Variants in LY75 observed in about 807,000 individuals in gnomAD.
LY75 encodes the protein C-type lectin domain family 13 member B.
In LY75, 185 loss-of-function variants were observed where a neutral mutation model predicts 231.7. The ratio of observed to expected loss-of-function variants is 0.80; its 90% CI spans 0.71 to 0.90. The LOEUF (loss-of-function observed/expected upper bound fraction) is 0.90, where lower values mean the gene tolerates loss of function less well. LY75 is among the 40% of genes least tolerant of loss of function. LY75 has a pLI of 0.00. For missense variants in LY75, 1,947 were observed against 2,050.2 expected (o/e 0.95, Z 0.97); for synonymous variants, 668 against 689.0 (o/e 0.97, Z 0.48).
chr2:159,864,907 G>A lies in LY75; in HGVS notation c.2131C>T (p.Leu711=), dbSNP rs368732020. 20 of 1,598,462 alleles carry A rather than the reference G, an allele frequency of 1.3e-5. No individual in the cohort carries two copies. The African/African-American group carries it at 2.6e-4, about 20-fold the overall frequency. Residue 711 remains leucine (L), a synonymous_variant, in exon 14 of 35, where the codon CTG becomes TTG. Coordinates refer to ENST00000263636, the MANE Select transcript of LY75 (RefSeq NM_002349.4). Reference sequence around the variant, plus strand: ...CTCCTTTTATTCAAACCAATCCACAGCCAATGCTGGCCACTATGTAAAAAG... The same window carrying A: ...CTCCTTTTATTCAAACCAATCCACAACCAATGCTGGCCACTATGTAAAAAG... ...LTDQFSGQHW[L]WIGLNKRSPD...
At chr2:159,805,551 A>G (rs941162395) in intron 34 of LY75, among the ~76,000 whole-genome samples, 4 of 152,174 alleles carry the variant, frequency 2.6e-5, no homozygotes, top group African/African-American at 4.8e-5. Flanking sequence ...CACTACTTGT[A>G]TATTATCCTA....
Position 159,805,211 on chromosome 2 carries a change from T to G in LY75, c.5002A>C (p.Thr1668Pro). ...GTGGCAACTATGATAGCTATTGCTG[T>G]GTAATCAGGGCCTGGAACAGGAAAA... ...VCKVPLGPDYTAIAIIVATLS... is the reference protein window; with the variant it reads ...VCKVPLGPDYPAIAIIVATLS... The change falls in exon 35 of 35, where the codon ACA (threonine) becomes CCA (proline). Residue 1668 changes from threonine to proline, a missense_variant. Physicochemically the swap from Thr to Pro is conservative, Grantham distance 38. Coordinates refer to ENST00000263636, the MANE Select transcript of LY75 (RefSeq NM_002349.4). The G allele has an allele frequency of 6.2e-7, 1 of 1,613,702 alleles. No individual in the cohort carries two copies. The highest frequency in any genetic ancestry group is 8.5e-7 in the Non-Finnish European group (1 of 1,179,754).
At chr2:159,855,561 G>T (rs1684523815) in intron 16 of LY75, among the ~76,000 whole-genome samples, 1 of 152,204 alleles carries the variant, frequency 6.6e-6, no homozygotes, top group Admixed American at 6.5e-5. Context: ...TTCCGGGTTG[G>T]AAGCTGGGCG....
At chr2:159,886,340 T>G (rs767949979) in intron 5 of LY75, 80 bp downstream of exon 5, 5 of 1,428,554 alleles carry the variant, frequency 3.5e-6, no homozygotes, top group Non-Finnish European at 4.6e-6. Flanking sequence ...GTGAAACTTT[T>G]CTAAGCTATT....
intron 32 of LY75, among the ~76,000 whole-genome samples, chr2:159,809,674 TTTTA>T (rs761050833): frequency 2.6e-5 from 4 of 151,500 alleles, no homozygotes; most frequent in Non-Finnish European, 4.4e-5. Context: ...TTATTATTTA[TTTTA>T]TTTATTTATT....
intron 23 of LY75, among the ~76,000 whole-genome samples, chr2:159,848,068 G>GTGTATA (rs1275319900): frequency 1.6e-5 from 2 of 123,918 alleles, no homozygotes; most frequent in East Asian, 5.6e-4. Flanking sequence ...ATTATGGTGT[G>GTGTATA]TATATATATA....
intron 4 of LY75, among the ~76,000 whole-genome samples, chr2:159,888,725 C>T (rs1685667240): frequency 6.6e-6 from 1 of 152,158 alleles, no homozygotes; most frequent in Non-Finnish European, 1.5e-5. Flanking sequence ...CCATTTCTGC[C>T]TGCAAAGAAC....
Position 159,834,110 on chromosome 2 carries a change from T to A in LY75, c.3775A>T (p.Ile1259Leu). 1 of 1,614,076 alleles carries A rather than the reference T, an allele frequency of 6.2e-7. No individual in the cohort carries two copies. The highest frequency in any genetic ancestry group is 8.5e-7 in the Non-Finnish European group (1 of 1,179,968). The change falls in exon 27 of 35, where the codon ATA (isoleucine) becomes TTA (leucine). Residue 1259 changes from isoleucine to leucine, a missense_variant. Coordinates refer to ENST00000263636, the MANE Select transcript of LY75 (RefSeq NM_002349.4). Reference protein sequence around the residue: ...IPFQNCCYNFIITKNRHMATT... With the variant: ...IPFQNCCYNFLITKNRHMATT... ...GCCATATGCCTATTCTTTGTTATTA[T>A]GAAATTGTAGCAACAGTTCTGAAAT...
At chr2:159,881,588 C>G (rs1399637169) in intron 7 of LY75, among the ~76,000 whole-genome samples, 1 of 152,102 alleles carries the variant, frequency 6.6e-6, no homozygotes, top group Admixed American at 6.6e-5. Context: ...ACTCTGCTGC[C>G]TTCACAAGTG....
chr2:159,883,872 G>C (rs930107041), intron 6 of LY75, among the ~76,000 whole-genome samples: 1 of 152,036 alleles, frequency 6.6e-6, no homozygotes, highest in African/African-American at 2.4e-5. Context: ...CTTTTTAGAT[G>C]ACAAGACATT....
chr2:159,898,577 A>G, intron 2 of LY75, 111 bp downstream of exon 2: 1 of 1,484,482 alleles, frequency 6.7e-7, no homozygotes, highest in South Asian at 1.3e-5. Context: ...TGAAGAGCTT[A>G]CTCACTGCCC....
rs769577255 is a variant in LY75 at position 159,807,130 on chromosome 2, C to G, written c.4833G>C (p.Trp1611Cys). 1 of 1,611,154 alleles carries G rather than the reference C, an allele frequency of 6.2e-7. No homozygotes were observed. The highest frequency in any genetic ancestry group is 8.5e-7 in the Non-Finnish European group (1 of 1,178,788). Residue 1611 changes from tryptophan (W) to cysteine (C), a missense_variant, in exon 34 of 35, where the codon TGG becomes TGC. Transcript: ENST00000263636. ...TCACTTCTGATCCATCTAACCAACT[C>G]CAAGACTGGTCTGAAGAAAGAAATT... ...GLSQHSVDQS[W>C]SWLDGSEVTF...
At chr2:159,861,047 G>C in intron 14 of LY75, 158 bp from the exon 15 acceptor site, 1 of 243,300 alleles carries the variant, frequency 4.1e-6, no homozygotes, top group Non-Finnish European at 6.6e-6. Flanking sequence ...AATCATGAGA[G>C]GACTTAGCAA....
intron 3 of LY75, among the ~76,000 whole-genome samples, chr2:159,891,792 T>G (rs576248997): frequency 2.0e-5 from 3 of 152,344 alleles, no homozygotes; most frequent in Admixed American, 2.0e-4. Context: ...GGTCTGACCC[T>G]GACAGGTCAT....
At chr2:159,885,595 T>C (rs1441931729) in intron 5 of LY75, among the ~76,000 whole-genome samples, 1 of 152,192 alleles carries the variant, frequency 6.6e-6, no homozygotes, top group African/African-American at 2.4e-5. Flanking sequence ...TAGCTCTTAA[T>C]CTGCTACTCC....
intron 7 of LY75, 127 bp downstream of exon 7, chr2:159,881,997 C>T (rs1160344995): frequency 2.9e-5 from 33 of 1,148,776 alleles, no homozygotes; most frequent in East Asian, 2.6e-5. Flanking sequence ...TCACCAGAGA[C>T]AATCCTATCT....
At chr2:159,817,101 C>T in intron 29 of LY75, 69 bp from the exon 30 acceptor site, 1 of 1,415,384 alleles carries the variant, frequency 7.1e-7, no homozygotes, top group Non-Finnish European at 9.4e-7. Flanking sequence ...GATGAGACAA[C>T]ATGCAATCAT....
At chr2:159,870,441 A>ACT (rs199857030) in intron 13 of LY75, among the ~76,000 whole-genome samples, 7,271 of 125,472 alleles carry the variant, frequency 0.058, 401 homozygotes, top group African/African-American at 0.14. Context: ...ACAAAACAAG[A>ACT]CTGTCTCAAA....
At chr2:159,866,149 T>C (rs1194305207) in intron 13 of LY75, among the ~76,000 whole-genome samples, 1 of 152,074 alleles carries the variant, frequency 6.6e-6, no homozygotes, top group Non-Finnish European at 1.5e-5. Context: ...ATTCCAAATC[T>C]AAAAACAATG....
Sources: gnomAD v4.1 joint callset for allele counts (sites outside exome capture counted in the v4.1 genomes callset) on GRCh38, gnomAD v4.1.1 for gene constraint, MANE v1.5 for transcripts, NCBI Gene and HGNC (gene_info 2026-07-23, HGNC 2026-07-21) for gene names.